The following CRTC3 variants were observed in gnomAD, a reference collection of about 807,000 sequenced individuals.
CRTC3 encodes CREB-regulated transcription coactivator 3.
A neutral mutation model predicts 74.5 loss-of-function variants in CRTC3; 26 were observed. The observed-to-expected ratio is 0.35, with a 90% CI of 0.26 to 0.48. The LOEUF is 0.48. CRTC3 is among the 20% of genes least tolerant of loss of function. The pLI is 0.99. For missense variants in CRTC3, 760 were observed against 787.3 expected (o/e 0.97, Z 0.41); for synonymous variants, 377 against 325.8 (o/e 1.16, Z -1.69).
intron 2 of CRTC3, among the ~76,000 whole-genome samples, chr15:90,574,438 A>C (rs374178447): frequency 1.3e-5 from 2 of 152,334 alleles, no homozygotes; most frequent in African/African-American, 4.8e-5. Flanking sequence ...AGATCGCGCC[A>C]CTGTACTCTA....
intron 3 of CRTC3, among the ~76,000 whole-genome samples, chr15:90,596,982 C>G (rs1040487160): frequency 3.3e-5 from 5 of 152,242 alleles, no homozygotes; most frequent in Non-Finnish European, 5.9e-5. Flanking sequence ...TTAACAAATA[C>G]TCTGGCCTCC....
intron 8 of CRTC3, among the ~76,000 whole-genome samples, chr15:90,619,379 C>T (rs1415073015): frequency 2.0e-5 from 3 of 152,190 alleles, no homozygotes; most frequent in African/African-American, 7.2e-5. Context: ...ATCGCTTGAA[C>T]CCAGGAAGCG....
At chr15:90,598,523 A>C in intron 3 of CRTC3, 1 of 702,550 alleles carries the variant, frequency 1.4e-6, no homozygotes, top group Non-Finnish European at 2.6e-6. Flanking sequence ...CCTGCACAGA[A>C]CTGCAGAGGC....
intron 3 of CRTC3, chr15:90,598,579 T>C (rs1967990153): frequency 4.3e-6 from 3 of 698,962 alleles, no homozygotes; most frequent in Non-Finnish European, 7.8e-6. Context: ...GATCCTAACA[T>C]GAGTGTCTTG....
Position 90,604,380 on chromosome 15 carries a change from T to C in CRTC3, c.414-5T>C, listed in dbSNP as rs758908397. 1.2e-5 allele frequency: 20 copies of C among 1,613,204 alleles called. No individual in the cohort carries two copies. Among genetic ancestry groups the C allele is most frequent in the Non-Finnish European group, 1.6e-5 (19 of 1,179,262 alleles). ...TTTCCTTTTATGTTGTTCTGGTTTT[T>C]AAAGGCAGCAGCCTCCTTGGAAAGA... is the stretch of plus-strand genomic sequence containing the variant. On this transcript the variant is annotated splice_region_variant and splice_polypyrimidine_tract_variant and intron_variant, in intron 4 of 14. Coordinates refer to ENST00000268184, the MANE Select transcript of CRTC3 (RefSeq NM_022769.5).
intron 2 of CRTC3, among the ~76,000 whole-genome samples, chr15:90,579,448 G>C (rs1967484075): frequency 6.6e-6 from 1 of 152,118 alleles, no homozygotes; most frequent in Non-Finnish European, 1.5e-5. Context: ...GCTTGACCGA[G>C]TGGGCTCTAA....
intron 2 of CRTC3, among the ~76,000 whole-genome samples, chr15:90,586,587 T>C (rs1967670434): frequency 6.6e-6 from 1 of 152,090 alleles, no homozygotes; most frequent in African/African-American, 2.4e-5. Context: ...GGTCTTGAAC[T>C]CCTGACCTCA....
intron 13 of CRTC3, 54 bp from the exon 14 acceptor site, chr15:90,641,043 T>C (rs1174061466): frequency 2.6e-6 from 3 of 1,171,908 alleles, no homozygotes; most frequent in South Asian, 1.2e-5. Flanking sequence ...AATACTCACT[T>C]CCTCCTTGGA....
chr15:90,568,548 A>G (rs1967178489), intron 2 of CRTC3, among the ~76,000 whole-genome samples: 1 of 151,968 alleles, frequency 6.6e-6, no homozygotes, highest in African/African-American at 2.4e-5. Context: ...ATGGGGTTTC[A>G]TCATATTGGC....
chr15:90,622,707 T>C (rs1479843811), intron 9 of CRTC3, among the ~76,000 whole-genome samples: 1 of 152,028 alleles, frequency 6.6e-6, no homozygotes. Context: ...AAAAATTTGC[T>C]GGGTATGGTA....
In CRTC3 at chr15:90,530,619, G is replaced by C. The variant is rs182160413; in HGVS notation, c.132+416G>C. On this transcript the variant is annotated intron_variant, in intron 1 of 14. Transcript: ENST00000268184. The surrounding 1 kb of genome is among the most constrained non-coding windows in gnomAD (Gnocchi z 6.2). Reference sequence around the variant, plus strand: ...CACCATCGAGCCCTGCTGTTCTGCCGGCGTGGAAGGCCGCGGGCACCCCAG... The same window carrying C: ...CACCATCGAGCCCTGCTGTTCTGCCCGCGTGGAAGGCCGCGGGCACCCCAG... The C allele has an allele frequency of 3.4e-4, 52 of 152,304 alleles. 1 individual carries two copies. Among genetic ancestry groups the C allele is most frequent in the African/African-American group, 1.1e-3 (44 of 41,544 alleles). 9.4% of individuals were successfully genotyped at this position (152,304 alleles called of 1,614,324 possible).
chr15:90,555,160 G>A (rs1023023033), intron 2 of CRTC3, among the ~76,000 whole-genome samples: 5 of 152,204 alleles, frequency 3.3e-5, no homozygotes, highest in African/African-American at 9.6e-5. Context: ...TGTACCACTC[G>A]TGCTCTTCCA....
chr15:90,640,589 G>C (rs1427829585), intron 13 of CRTC3, among the ~76,000 whole-genome samples: 1 of 152,148 alleles, frequency 6.6e-6, no homozygotes, highest in Non-Finnish European at 1.5e-5. Context: ...GGCTAAGGTG[G>C]ACGGATTGCT....
Position 90,629,355 on chromosome 15 carries a change from G to C in CRTC3, c.1089G>C (p.Ser363=), listed in dbSNP as rs140801746. ...CCAACGCATCTGCTCTTCACCCTTCGCTCCGTCTGTTTTCCCTTAGCAACC... is the reference window on the plus strand; with the variant it reads ...CCAACGCATCTGCTCTTCACCCTTCCCTCCGTCTGTTTTCCCTTAGCAACC... ...SVPNASALHP[S]LRLFSLSNPS... Residue 363 remains serine (S), a synonymous_variant, in exon 11 of 15, where the codon TCG becomes TCC. Transcript: ENST00000268184. 1 of 1,613,700 alleles carries C rather than the reference G, an allele frequency of 6.2e-7. No homozygotes were observed. Among genetic ancestry groups the C allele is most frequent in the South Asian group, 1.1e-5 (1 of 91,036 alleles).
At chr15:90,583,848 C>CT (rs35509628) in intron 2 of CRTC3, among the ~76,000 whole-genome samples, 52 of 149,570 alleles carry the variant, frequency 3.5e-4, no homozygotes, top group East Asian at 3.3e-3. Context: ...TTTCTCTTTT[C>CT]TTTTTTTTTT....
chr15:90,637,700 C>T (rs1018790987), intron 11 of CRTC3, among the ~76,000 whole-genome samples: 8 of 152,142 alleles, frequency 5.3e-5, no homozygotes, highest in Non-Finnish European at 7.4e-5. Flanking sequence ...GGGGCCAGTG[C>T]GCAGAAGCAC....
chr15:90,561,920 A>T (rs12903971), intron 2 of CRTC3, among the ~76,000 whole-genome samples: 9,565 of 152,302 alleles, frequency 0.063, 477 homozygotes, highest in South Asian at 0.22. Context: ...ACAGAATAAC[A>T]TCTGTGGAAG....
intron 9 of CRTC3, among the ~76,000 whole-genome samples, chr15:90,624,311 C>T (rs1968752576): frequency 6.6e-6 from 1 of 152,062 alleles, no homozygotes. Context: ...TTCTCCCTGC[C>T]TCTCCTTCTG....
chr15:90,608,956 T>A (rs1400991373), intron 6 of CRTC3, among the ~76,000 whole-genome samples: 1 of 152,254 alleles, frequency 6.6e-6, no homozygotes, highest in Admixed American at 6.5e-5. Context: ...TTCAGGGCTG[T>A]GTATTTGTTC....
Sources: gnomAD v4.1 joint callset for allele counts (sites outside exome capture counted in the v4.1 genomes callset) on GRCh38, gnomAD v4.1.1 for gene constraint, Gnocchi (gnomAD v3.1) non-coding constraint, MANE v1.5 for transcripts, NCBI Gene and HGNC (gene_info 2026-07-23, HGNC 2026-07-21) for gene names.